The following PCDHA12 variants were observed in gnomAD, a reference collection of about 807,000 sequenced individuals.
The protein encoded by PCDHA12 is protocadherin alpha-12.
Under a neutral mutation model 60.0 loss-of-function variants are expected in PCDHA12, and 44 were observed. That is an observed-to-expected ratio of 0.73 (90% CI 0.58 to 0.94). The LOEUF (loss-of-function observed/expected upper bound fraction) is 0.94. Ranked by LOEUF, PCDHA12 falls within the 40% of genes least tolerant of loss-of-function variation. The pLI, the probability that PCDHA12 is intolerant of heterozygous loss-of-function variation, is 0.00. For synonymous variants in PCDHA12, 569 were observed against 553.0 expected (o/e 1.03, Z -0.40); for missense variants, 1,276 against 1,239.7 (o/e 1.03, Z -0.44).
chr5:140,947,107 G>A (rs1041048233), intron 1 of PCDHA12, among the ~76,000 whole-genome samples: 12 of 151,202 alleles, frequency 7.9e-5, no homozygotes, highest in South Asian at 4.2e-4. Flanking sequence ...AAATAGGTAC[G>A]TGTCAATTAA....
At chr5:140,940,498 C>T (rs185491489) in intron 1 of PCDHA12, among the ~76,000 whole-genome samples, 7 of 151,984 alleles carry the variant, frequency 4.6e-5, no homozygotes, top group Non-Finnish European at 8.8e-5. Flanking sequence ...AGTCTTGCTC[C>T]GTCGCTCAGG....
chr5:140,950,435 A>T (rs2094483371), intron 1 of PCDHA12, among the ~76,000 whole-genome samples: 1 of 152,038 alleles, frequency 6.6e-6, no homozygotes, highest in Non-Finnish European at 1.5e-5. Flanking sequence ...CACTTAAAAA[A>T]AATGTTATTC....
chr5:140,878,658 G>T (rs139171755), intron 1 of PCDHA12, among the ~76,000 whole-genome samples: 120 of 152,200 alleles, frequency 7.9e-4, no homozygotes, highest in African/African-American at 2.7e-3. Flanking sequence ...ATATCCAGAG[G>T]CTTCTCTTTA....
chr5:140,927,972 T>C, intron 1 of PCDHA12: 1 of 1,614,190 alleles, frequency 6.2e-7, no homozygotes, highest in Non-Finnish European at 8.5e-7. Context: ...CAGTGATTGC[T>C]CTCTTTAGTG....
Position 141,010,391 on chromosome 5 carries a change from C to T in PCDHA12, c.*454C>T, listed in dbSNP as rs976643195. The T allele has an allele frequency of 2.2e-5, 30 of 1,386,642 alleles. No homozygotes were observed. Among genetic ancestry groups the T allele is most frequent in the South Asian group, 2.9e-5 (2 of 68,924 alleles). The allele number at this position is 1,386,642 out of a possible 1,614,324, so 85.9% of individuals were successfully genotyped here. A position where few individuals can be genotyped will look rare whatever the true frequency, so the allele number is the denominator to read the frequency against. The stretch of plus-strand genomic sequence containing the variant: ...TGCGAGTGCCAGATATTGGCTGAGA[C>T]GAGCCAGCTTAGACTAATTGGTACA... On this transcript the variant is annotated 3_prime_UTR_variant, in exon 4 of 4. Transcript: ENST00000398631.
intron 3 of PCDHA12, among the ~76,000 whole-genome samples, chr5:140,992,035 G>C (rs529236840): frequency 6.6e-6 from 1 of 151,988 alleles, no homozygotes; most frequent in South Asian, 2.1e-4. Flanking sequence ...GTGTGTGTGT[G>C]TGTGTGTGTG....
chr5:140,893,725 C>A (rs782492563), intron 1 of PCDHA12, among the ~76,000 whole-genome samples: 4 of 152,154 alleles, frequency 2.6e-5, no homozygotes, highest in Non-Finnish European at 5.9e-5. Context: ...GCTGAGAAAT[C>A]TGCTGTTAGT....
chr5:140,901,148 CA>C (rs1244292469), intron 1 of PCDHA12, among the ~76,000 whole-genome samples: 17 of 152,076 alleles, frequency 1.1e-4, no homozygotes, highest in Non-Finnish European at 2.4e-4. Context: ...TATTTTCTCT[CA>C]ATCTGTGGGT....
chr5:140,897,289 C>T (rs1027792864), intron 1 of PCDHA12, among the ~76,000 whole-genome samples: 2 of 150,912 alleles, frequency 1.3e-5, no homozygotes, highest in Non-Finnish European at 3.0e-5. Flanking sequence ...CCCATTAACT[C>T]GTCATTTAGC....
rs571648883 is a variant in PCDHA12, at chr5:140,876,814, G to C, written c.1342G>C (p.Val448Leu). 2.5e-6 allele frequency: 4 copies of C among 1,614,226 alleles called. No individual in the cohort carries two copies. The highest frequency in any genetic ancestry group is 2.5e-6 in the Non-Finnish European group (3 of 1,180,036). Residue 448 changes from valine to leucine, a missense_variant, in exon 1 of 4, where the codon GTG (valine) becomes CTG (leucine). Val to Leu is a conservative substitution (Grantham distance 32). Coordinates refer to ENST00000398631, the MANE Select transcript of PCDHA12 (RefSeq NM_018903.4). ...TARVSVEVAD[V>L]NDNAPAFAQP... is the part of the protein sequence containing the mutation. ...TAGAGTGTCCGTGGAGGTGGCCGAC[G>C]TGAACGACAATGCGCCTGCGTTCGC...
At chr5:140,971,807 T>C in intron 1 of PCDHA12, among the ~76,000 whole-genome samples, 1 of 152,270 alleles carries the variant, frequency 6.6e-6, no homozygotes, top group Middle Eastern at 3.4e-3. Context: ...TATTATAATA[T>C]TGAATACATA....
intron 1 of PCDHA12, among the ~76,000 whole-genome samples, chr5:140,954,531 G>A (rs564993313): frequency 4.6e-5 from 7 of 152,218 alleles, no homozygotes; most frequent in African/African-American, 1.4e-4. Context: ...GTGATGTTGA[G>A]GTTTTTTTCA....
chr5:140,875,651 T>C lies in PCDHA12; in HGVS notation c.179T>C (p.Val60Ala), dbSNP rs782085221. 1.4e-5 allele frequency: 23 copies of C among 1,613,722 alleles called. No homozygotes were observed. The East Asian group carries it at 5.1e-4, about 36-fold the overall frequency. Residue 60 changes from valine to alanine, a missense_variant, in exon 1 of 4, where the codon GTG becomes GCG. Transcript: ENST00000398631. The stretch of plus-strand genomic sequence containing the variant: ...CTGGGGCTGGAGCTGGCGGAGCTGG[T>C]GCCGCGCCTGTTCCGGGTGGCGTCC... ...QDLGLELAEL[V>A]PRLFRVASKR...
intron 3 of PCDHA12, among the ~76,000 whole-genome samples, chr5:140,988,287 C>A (rs2097291303): frequency 6.6e-6 from 1 of 152,240 alleles, no homozygotes; most frequent in Non-Finnish European, 1.5e-5. Context: ...TGCCATCTGA[C>A]AGCCCAGGAG....
In PCDHA12 at chr5:140,971,961, T is replaced by C. The variant is rs1412814726; in HGVS notation, c.2368-6988T>C. ...TGTATCCATCTGACTCCAAAAACTT[T>C]TTTTCAATACTATGAGTAGACAGAA... On this transcript the variant is annotated intron_variant, in intron 1 of 3. Transcript: ENST00000398631. 2.0e-5 allele frequency among the ~76,000 whole-genome samples: 3 copies of C among 152,144 alleles called. No homozygotes were observed. The East Asian group carries it at 5.8e-4, about 29-fold the overall frequency.
chr5:140,879,204 G>A (rs1041591784), intron 1 of PCDHA12, among the ~76,000 whole-genome samples: 3 of 152,328 alleles, frequency 2.0e-5, no homozygotes, highest in Admixed American at 6.5e-5. Flanking sequence ...AATTATGGCA[G>A]TAGAAATGAA....
intron 1 of PCDHA12, among the ~76,000 whole-genome samples, chr5:140,905,490 T>C (rs1256863992): frequency 1.3e-5 from 2 of 152,224 alleles, no homozygotes; most frequent in African/African-American, 4.8e-5. Context: ...TTTCTTCTTT[T>C]TGTTTTGTAT....
intron 1 of PCDHA12, among the ~76,000 whole-genome samples, chr5:140,879,219 A>G (rs2057906971): frequency 6.6e-6 from 1 of 152,252 alleles, no homozygotes; most frequent in South Asian, 2.1e-4. Context: ...AATGAATTGA[A>G]AAAGACATAT....
chr5:140,955,998 G>A (rs1194688184), intron 1 of PCDHA12, among the ~76,000 whole-genome samples: 1 of 152,174 alleles, frequency 6.6e-6, no homozygotes, highest in Non-Finnish European at 1.5e-5. Context: ...CATTGATTTT[G>A]TATCCTGAGA....
Sources: gnomAD v4.1 joint callset for allele counts (sites outside exome capture counted in the v4.1 genomes callset) on GRCh38, gnomAD v4.1.1 for gene constraint, MANE v1.5 for transcripts, NCBI Gene and HGNC (gene_info 2026-07-23, HGNC 2026-07-21) for gene names.